The following GFRA1 variants were observed in gnomAD, a reference collection of about 807,000 sequenced individuals.
GFRA1 encodes GDNF family receptor alpha-1.
In GFRA1, 16 loss-of-function variants were observed where a neutral mutation model predicts 51.6. That is an observed-to-expected ratio of 0.31 (90% CI 0.21 to 0.47). The LOEUF (loss-of-function observed/expected upper bound fraction) is 0.47. Ranked by LOEUF, GFRA1 falls within the 20% of genes least tolerant of loss-of-function variation. GFRA1 has a pLI of 1.00. For synonymous variants in GFRA1, 270 were observed against 241.3 expected (o/e 1.12, Z -1.10); for missense variants, 530 against 594.3 (o/e 0.89, Z 1.13).
At chr10:116,196,600 T>TATATA (rs544529437) in intron 5 of GFRA1, among the ~76,000 whole-genome samples, 228 of 5,106 alleles carry the variant, frequency 0.045, 51 homozygotes, top group East Asian at 0.36. Context: ...ATATATAATA[T>TATATA]ATATATAGTA....
chr10:116,247,869 A>C (rs1277925885), intron 4 of GFRA1, among the ~76,000 whole-genome samples: 2 of 152,144 alleles, frequency 1.3e-5, no homozygotes, highest in African/African-American at 4.8e-5. Flanking sequence ...TCCCCATCAT[A>C]TCTCCAATAT....
At position 116,090,041 on chromosome 10, in the gene GFRA1, CAA is replaced by C. The variant is rs1198737067; in HGVS notation, c.1016-121_1016-120del. Reference sequence around the variant, plus strand: ...GATTATAGCATTGGACTTCTCTGAACAAAACGCATCCATCCATTTGCCCTATA... The same window carrying C: ...GATTATAGCATTGGACTTCTCTGAACAACGCATCCATCCATTTGCCCTATA... On this transcript the variant is annotated intron_variant, in intron 8 of 10. Coordinates refer to ENST00000355422, the MANE Select transcript of GFRA1 (RefSeq NM_005264.8). 14 of 916,568 alleles carry C rather than the reference CAA, an allele frequency of 1.5e-5. No individual in the cohort carries two copies. The African/African-American group carries it at 2.3e-4, about 15-fold the overall frequency. 56.8% of individuals were successfully genotyped at this position (916,568 alleles called of 1,614,324 possible). A position where few individuals can be genotyped will look rare whatever the true frequency, so the allele number is the denominator to read the frequency against.
intron 5 of GFRA1, among the ~76,000 whole-genome samples, chr10:116,182,253 A>G (rs1962306954): frequency 6.6e-6 from 1 of 152,196 alleles, no homozygotes; most frequent in South Asian, 2.1e-4. Context: ...GGAATGACTA[A>G]CTGACCTAAT....
At position 116,064,192 on chromosome 10, in the gene GFRA1, G is replaced by A. The variant is rs529228927; in HGVS notation, c.*206C>T. On this transcript the variant is annotated 3_prime_UTR_variant, in exon 11 of 11. Coordinates refer to ENST00000355422, the MANE Select transcript of GFRA1 (RefSeq NM_005264.8). ...CATATCCCAAAGCCTTCTGAGTTTG[G>A]ATGGAGCACTGCATCAGGTTTTTCA... is the stretch of plus-strand genomic sequence containing the variant. 3.9e-5 allele frequency: 22 copies of A among 571,232 alleles called. No homozygotes were observed. Among genetic ancestry groups the A allele is most frequent in the Non-Finnish European group, 4.0e-5 (13 of 322,128 alleles). 35.4% of individuals were successfully genotyped at this position (571,232 alleles called of 1,614,324 possible).
rs71010072 is a variant in GFRA1 at position 116,212,523 on chromosome 10, AACACACACACACACACAC to A, written c.419-896_419-879del. Among the ~76,000 whole-genome samples, 648 of 142,706 alleles carry A rather than the reference AACACACACACACACACAC, an allele frequency of 4.5e-3. 2 individuals are homozygous for A. The highest frequency in any genetic ancestry group is 9.2e-3 in the Admixed American group (129 of 14,016). 93.6% of individuals were successfully genotyped at this position (142,706 alleles called of 152,430 possible). ...CAACAAGAGCAAAATTCCGTCTCAAAACACACACACACACACACACACACACACACACACACACACACA... is the reference window on the plus strand; with the variant it reads ...CAACAAGAGCAAAATTCCGTCTCAAAACACACACACACACACACACACACA... On this transcript the variant is annotated intron_variant, in intron 4 of 10. Coordinates refer to ENST00000355422, the MANE Select transcript of GFRA1 (RefSeq NM_005264.8).
At chr10:116,065,377 C>A (rs2302105) in intron 10 of GFRA1, among the ~76,000 whole-genome samples, 196 bp downstream of exon 10, 2 of 152,038 alleles carry the variant, frequency 1.3e-5, no homozygotes, top group African/African-American at 2.4e-5. Context: ...AGGTCCCATG[C>A]TTACTTCCAA....
At chr10:116,158,319 T>C (rs1959368660) in intron 5 of GFRA1, among the ~76,000 whole-genome samples, 1 of 152,136 alleles carries the variant, frequency 6.6e-6, no homozygotes, top group South Asian at 2.1e-4. Context: ...TATACAACTA[T>C]AAATAGATTG....
chr10:116,255,816 T>C (rs2134726184), intron 4 of GFRA1: 3 of 1,187,840 alleles, frequency 2.5e-6, no homozygotes, highest in South Asian at 2.7e-5. Context: ...ACACAGTCAG[T>C]TCGCAAAAAA....
At chr10:116,104,348 G>T (rs1956928806) in intron 6 of GFRA1, among the ~76,000 whole-genome samples, 1 of 152,166 alleles carries the variant, frequency 6.6e-6, no homozygotes, top group African/African-American at 2.4e-5. Context: ...CTGATACATG[G>T]GGCTTCCCCG....
At chr10:116,133,714 T>C (rs1262702878) in intron 5 of GFRA1, among the ~76,000 whole-genome samples, 1 of 152,250 alleles carries the variant, frequency 6.6e-6, no homozygotes, top group Non-Finnish European at 1.5e-5. Flanking sequence ...GTCTATGCAC[T>C]TGGAGGCGCT....
intron 4 of GFRA1, among the ~76,000 whole-genome samples, chr10:116,252,426 A>C (rs559958485): frequency 6.6e-6 from 1 of 152,282 alleles, no homozygotes; most frequent in Non-Finnish European, 1.5e-5. Context: ...TGCCGCCCTC[A>C]CACTCAGGTG....
rs573231789 is a variant in GFRA1, at chr10:116,091,448, A to G, written c.1016-1526T>C. ...CCAGAGGCATTGACTGGGGAGAGGGAGTTGGTACTTAGATAAACGGATCCA... is the reference window on the plus strand; with the variant it reads ...CCAGAGGCATTGACTGGGGAGAGGGGGTTGGTACTTAGATAAACGGATCCA... On this transcript the variant is annotated intron_variant, in intron 8 of 10. Transcript: ENST00000355422. Among the ~76,000 whole-genome samples the G allele has an allele frequency of 5.1e-4, 77 of 152,306 alleles. 3 individuals carry two copies. In the South Asian group the frequency reaches 0.016, roughly 31 times the overall value.
chr10:116,173,771 T>A (rs931500677), intron 5 of GFRA1, among the ~76,000 whole-genome samples: 2 of 152,076 alleles, frequency 1.3e-5, no homozygotes, highest in African/African-American at 2.4e-5. Flanking sequence ...CAGGTTTTTT[T>A]TCCCCGGTTA....
At chr10:116,158,742 T>A (rs572285772) in intron 5 of GFRA1, among the ~76,000 whole-genome samples, 1 of 152,300 alleles carries the variant, frequency 6.6e-6, no homozygotes, top group Admixed American at 6.5e-5. Flanking sequence ...GTACTCACAG[T>A]GGGCAAAACA....
intron 5 of GFRA1, among the ~76,000 whole-genome samples, chr10:116,187,124 A>G (rs1431660051): frequency 6.6e-6 from 1 of 152,264 alleles, no homozygotes; most frequent in East Asian, 1.9e-4. Flanking sequence ...ACAGGGTTTT[A>G]AAGGCAACAA....
intron 5 of GFRA1, among the ~76,000 whole-genome samples, chr10:116,192,627 G>T (rs1963374245): frequency 6.6e-6 from 1 of 152,196 alleles, no homozygotes; most frequent in African/African-American, 2.4e-5. Flanking sequence ...CGCCCCTGTA[G>T]CAACGCCCTA....
At chr10:116,120,761 T>C (rs531804821) in intron 6 of GFRA1, among the ~76,000 whole-genome samples, 1 of 152,202 alleles carries the variant, frequency 6.6e-6, no homozygotes, top group Non-Finnish European at 1.5e-5. Flanking sequence ...AAACAATGGC[T>C]GCATAGGTGA....
At chr10:116,241,760 T>C (rs1345137748) in intron 4 of GFRA1, among the ~76,000 whole-genome samples, 1 of 152,220 alleles carries the variant, frequency 6.6e-6, no homozygotes. Flanking sequence ...GCTGGACTAC[T>C]GATGTATTTG....
chr10:116,238,805 A>AT (rs560809950), intron 4 of GFRA1, among the ~76,000 whole-genome samples: 116 of 152,230 alleles, frequency 7.6e-4, no homozygotes, highest in Non-Finnish European at 1.3e-3. Context: ...ACAAATGGTC[A>AT]TTTTTTTTAA....
Sources: gnomAD v4.1 joint callset for allele counts (sites outside exome capture counted in the v4.1 genomes callset) on GRCh38, gnomAD v4.1.1 for gene constraint, MANE v1.5 for transcripts, NCBI Gene and HGNC (gene_info 2026-07-23, HGNC 2026-07-21) for gene names.